Variants in OCIAD1 observed in about 807,000 individuals in gnomAD.
OCIAD1 encodes the protein OCIA domain-containing protein 1.
Under a neutral mutation model 38.9 loss-of-function variants are expected in OCIAD1, and 29 were observed. The observed-to-expected ratio is 0.74, with a 90% CI of 0.55 to 1.02. The LOEUF is 1.02. Among genes scored for constraint, OCIAD1 ranks in the 50% least tolerant of loss-of-function variants. The pLI is 0.00. For synonymous variants in OCIAD1, 110 were observed against 92.0 expected, an observed-to-expected ratio of 1.20 and a Z score of -1.12; for missense variants, 288 against 289.6, an observed-to-expected ratio of 0.99 and a Z score of 0.04.
intron 8 of OCIAD1, 129 bp from the exon 9 acceptor site, chr4:48,860,596 A>T: frequency 1.3e-6 from 1 of 744,058 alleles, no homozygotes; most frequent in Admixed American, 2.5e-5. Context: ...TTGTAATTAT[A>T]ATTTGACTCT....
intron 3 of OCIAD1, among the ~76,000 whole-genome samples, chr4:48,834,824 A>G (rs533966127): frequency 2.0e-5 from 3 of 152,344 alleles, no homozygotes; most frequent in South Asian, 2.1e-4. Flanking sequence ...AGGAGGATGT[A>G]TGTTTTCATC....
intron 1 of OCIAD1, among the ~76,000 whole-genome samples, chr4:48,819,446 C>A (rs769564337): frequency 4.6e-5 from 7 of 151,892 alleles, no homozygotes; most frequent in Non-Finnish European, 1.0e-4. Context: ...GCAAAAACAA[C>A]CCAAAATATA....
At chr4:48,833,552 C>A in intron 3 of OCIAD1, 71 bp downstream of exon 3, 1 of 959,938 alleles carries the variant, frequency 1.0e-6, no homozygotes, top group Non-Finnish European at 1.6e-6. Flanking sequence ...TGAATTTGAA[C>A]CTGAAATTAT....
chr4:48,828,534 C>T (rs1270678835), upstream of OCIAD1, among the ~76,000 whole-genome samples: 1 of 152,160 alleles, frequency 6.6e-6, no homozygotes, highest in Non-Finnish European at 1.5e-5. Flanking sequence ...TCTGCACCAC[C>T]TTTATGAGCT....
intron 1 of OCIAD1, among the ~76,000 whole-genome samples, chr4:48,811,432 T>C (rs1172607918): frequency 2.6e-5 from 4 of 152,230 alleles, no homozygotes; most frequent in Non-Finnish European, 4.4e-5. Context: ...CCAGACCTTA[T>C]ACTCCACCAT....
intron 7 of OCIAD1, chr4:48,852,211 T>C: frequency 2.6e-6 from 1 of 382,834 alleles, no homozygotes. Context: ...TTCTTGTCCC[T>C]GAAAAACTTT....
chr4:48,850,149 C>T (rs1779306406), intron 6 of OCIAD1, 67 bp downstream of exon 6: 1 of 1,516,514 alleles, frequency 6.6e-7, no homozygotes, highest in Non-Finnish European at 9.0e-7. Flanking sequence ...GTTGCTATAA[C>T]TCATGGCTCA....
intron 3 of OCIAD1, 111 bp downstream of exon 3, chr4:48,833,592 CT>C (rs1458827898): frequency 1.5e-6 from 1 of 646,238 alleles, no homozygotes; most frequent in Non-Finnish European, 2.7e-6. Flanking sequence ...AATTGGCAAA[CT>C]TTTTGCATAG....
At chr4:48,831,491 C>T (rs1413182064) in intron 1 of OCIAD1, 6 of 1,290,348 alleles carry the variant, frequency 4.6e-6, no homozygotes, top group Admixed American at 2.3e-5. Context: ...CAGTCTGTAA[C>T]GGCAGGTGGG....
At chr4:48,816,974 A>C (rs1312649279) in intron 1 of OCIAD1, among the ~76,000 whole-genome samples, 3 of 152,088 alleles carry the variant, frequency 2.0e-5, no homozygotes, top group Non-Finnish European at 2.9e-5. Flanking sequence ...CCTCCTCCCC[A>C]AAAAAAGGGG....
intron 7 of OCIAD1, among the ~76,000 whole-genome samples, chr4:48,853,114 C>T (rs1015385677): frequency 1.6e-4 from 24 of 151,658 alleles, no homozygotes; most frequent in South Asian, 4.2e-4. Flanking sequence ...CTCCTGACCT[C>T]GTGATCCGCC....
At chr4:48,835,581 C>A (rs1334446877) in intron 3 of OCIAD1, among the ~76,000 whole-genome samples, 1 of 152,082 alleles carries the variant, frequency 6.6e-6, no homozygotes, top group East Asian at 1.9e-4. Flanking sequence ...CACCTGTAAT[C>A]CCAGCACCTT....
intron 1 of OCIAD1, among the ~76,000 whole-genome samples, chr4:48,805,795 G>A (rs1777018520): frequency 6.6e-6 from 1 of 151,944 alleles, no homozygotes. Flanking sequence ...TTTTAATGCT[G>A]AGCAATTTTA....
upstream of OCIAD1, among the ~76,000 whole-genome samples, chr4:48,826,216 A>G (rs1777249122): frequency 6.6e-6 from 1 of 151,880 alleles, no homozygotes; most frequent in South Asian, 2.1e-4. Context: ...GGTTTGTTAC[A>G]TATGCTTACA....
In OCIAD1 at chr4:48,850,046, T is replaced by C; in HGVS notation, c.341T>C (p.Leu114Ser). 6.2e-7 allele frequency: 1 copy of C among 1,613,678 alleles called. No individual in the cohort carries two copies. Among genetic ancestry groups the C allele is most frequent in the Non-Finnish European group, 8.5e-7 (1 of 1,179,924 alleles). ...GAAAATTCCCCCCTTGGAGAAGCTT[T>C]ACGATCAGGACAAGCACGACGATCT... Reference protein sequence around the residue: ...KLENSPLGEALRSGQARRSSP... With the variant: ...KLENSPLGEASRSGQARRSSP... Residue 114 changes from leucine (L) to serine (S), a missense_variant, in exon 6 of 9, where the codon TTA (leucine) becomes TCA (serine). Leu to Ser is a moderately radical substitution (Grantham distance 145, BLOSUM62 -2). Transcript: ENST00000264312.
chr4:48,855,779 G>A (rs1465856651), intron 7 of OCIAD1, among the ~76,000 whole-genome samples: 3 of 150,688 alleles, frequency 2.0e-5, no homozygotes, highest in Middle Eastern at 3.4e-3. Context: ...TTGTGCCCCT[G>A]TGCTCCAGCC....
At chr4:48,833,950 T>C (rs1777756003) in intron 3 of OCIAD1, among the ~76,000 whole-genome samples, 1 of 152,198 alleles carries the variant, frequency 6.6e-6, no homozygotes, top group Admixed American at 6.5e-5. Flanking sequence ...GTTCCCATTT[T>C]ATCATTGTGA....
chr4:48,832,503 A>G (rs1777598527), intron 1 of OCIAD1, 117 bp from the exon 2 acceptor site: 1 of 759,238 alleles, frequency 1.3e-6, no homozygotes, highest in Admixed American at 2.0e-5. Flanking sequence ...TGTTTAATAA[A>G]TATTTGTTGA....
At chr4:48,826,123 C>T (rs567981064), upstream of OCIAD1, among the ~76,000 whole-genome samples, 1 of 152,190 alleles carries the variant, frequency 6.6e-6, no homozygotes, top group South Asian at 2.1e-4. Context: ...CAGGCATGAG[C>T]TACTGTGCTT....
Sources: gnomAD v4.1 joint callset for allele counts (sites outside exome capture counted in the v4.1 genomes callset) on GRCh38, gnomAD v4.1.1 for gene constraint, MANE v1.5 for transcripts, NCBI Gene and HGNC (gene_info 2026-07-23, HGNC 2026-07-21) for gene names.